The following CSMD3 variants were observed in gnomAD, a reference collection of about 807,000 sequenced individuals.
CSMD3 encodes CUB and Sushi multiple domains 3.
CSMD3 carries 177 observed loss-of-function variants against 435.2 expected under a neutral mutation model. That is an observed-to-expected ratio of 0.41 (90% CI 0.36 to 0.46). The LOEUF (loss-of-function observed/expected upper bound fraction) is 0.46. CSMD3 is among the 20% of genes least tolerant of loss of function. The pLI, the probability that CSMD3 is intolerant of heterozygous loss-of-function variation, is 0.34. For synonymous variants in CSMD3, 1,656 were observed against 1,520.5 expected (o/e 1.09, Z -2.07); for missense variants, 4,265 against 4,504.6 (o/e 0.95, Z 1.52).
At chr8:113,176,693 G>A in intron 3 of CSMD3, among the ~76,000 whole-genome samples, 1 of 151,916 alleles carries the variant, frequency 6.6e-6, no homozygotes, top group Non-Finnish European at 1.5e-5. Flanking sequence ...TCAATTATAA[G>A]TGGGAGCTGA....
chr8:112,702,750 T>G (rs368956227), intron 13 of CSMD3, among the ~76,000 whole-genome samples: 5 of 151,964 alleles, frequency 3.3e-5, no homozygotes, highest in African/African-American at 9.7e-5. Context: ...GTAGGGTATT[T>G]CCCCTCAGTT....
intron 13 of CSMD3, among the ~76,000 whole-genome samples, chr8:112,793,089 T>C (rs2078730787): frequency 6.7e-6 from 1 of 149,704 alleles, no homozygotes; most frequent in Non-Finnish European, 1.5e-5. Flanking sequence ...CAACTTACTG[T>C]GTGTATATAA....
At chr8:112,543,527 C>T (rs1826872882) in intron 27 of CSMD3, among the ~76,000 whole-genome samples, 2 of 151,786 alleles carry the variant, frequency 1.3e-5, no homozygotes, top group African/African-American at 4.8e-5. Flanking sequence ...ATAAAAATCT[C>T]AATAATATAT....
At chr8:113,003,667 A>G (rs1319984716) in intron 6 of CSMD3, among the ~76,000 whole-genome samples, 1 of 152,072 alleles carries the variant, frequency 6.6e-6, no homozygotes, top group African/African-American at 2.4e-5. Context: ...TTTTAGCGAG[A>G]TGCTTTTAGA....
At chr8:112,515,641 A>C (rs1709562454) in intron 28 of CSMD3, among the ~76,000 whole-genome samples, 1 of 152,084 alleles carries the variant, frequency 6.6e-6, no homozygotes, top group African/African-American at 2.4e-5. Context: ...AGATACAGCT[A>C]AATCTGAACT....
chr8:113,017,846 C>T lies in CSMD3; in HGVS notation c.1030+1221G>A, dbSNP rs369870046. ...GATTCAAGTTACCATGCCTAAACAG[C>T]TATTTTTAATAAAATATGTGAAAAT... On this transcript the variant is annotated intron_variant, in intron 6 of 70. Coordinates refer to ENST00000297405, the MANE Select transcript of CSMD3 (RefSeq NM_198123.2). 1.6e-4 allele frequency among the ~76,000 whole-genome samples: 25 copies of T among 152,028 alleles called. No homozygotes were observed. The South Asian group carries it at 5.0e-3, about 30-fold the overall frequency.
intron 12 of CSMD3, among the ~76,000 whole-genome samples, chr8:112,804,684 G>A (rs572313186): frequency 1.2e-3 from 168 of 145,916 alleles, no homozygotes; most frequent in Admixed American, 1.9e-3. Context: ...TATTTTTTTT[G>A]AGATGAAGTC....
chr8:112,817,444 CTG>C (rs1201235648), intron 12 of CSMD3, among the ~76,000 whole-genome samples: 1 of 48,610 alleles, frequency 2.1e-5, no homozygotes, highest in African/African-American at 1.1e-4. Context: ...GGGAAAGAAT[CTG>C]TGAAACAAAG....
At chr8:112,846,116 T>G (rs556095512) in intron 11 of CSMD3, among the ~76,000 whole-genome samples, 78 of 151,990 alleles carry the variant, frequency 5.1e-4, no homozygotes, top group Non-Finnish European at 1.5e-4. Flanking sequence ...GAAGCATATA[T>G]CTTATTTGAT....
At chr8:113,336,780 T>C in intron 1 of CSMD3, among the ~76,000 whole-genome samples, 1 of 152,030 alleles carries the variant, frequency 6.6e-6, no homozygotes, top group African/African-American at 2.4e-5. Context: ...ATGAAGTGGG[T>C]ATGAAAGTCC....
intron 9 of CSMD3, among the ~76,000 whole-genome samples, chr8:112,926,133 G>C (rs993755349): frequency 2.6e-5 from 4 of 152,088 alleles, no homozygotes; most frequent in Middle Eastern, 3.2e-3. Context: ...TAAAATCCAG[G>C]CTCAATCATC....
intron 3 of CSMD3, among the ~76,000 whole-genome samples, chr8:113,236,215 T>C (rs751407536): frequency 3.9e-5 from 6 of 152,212 alleles, no homozygotes; most frequent in African/African-American, 1.4e-4. Flanking sequence ...GGTCCGCCTT[T>C]GCATACTTGA....
intron 31 of CSMD3, among the ~76,000 whole-genome samples, chr8:112,487,258 C>T (rs866622224): frequency 1.3e-5 from 2 of 151,890 alleles, no homozygotes; most frequent in African/African-American, 2.4e-5. Flanking sequence ...CTGAGGAGCA[C>T]GGGGAGGGTA....
At chr8:113,093,359 G>A (rs574464862) in intron 5 of CSMD3, among the ~76,000 whole-genome samples, 1 of 152,088 alleles carries the variant, frequency 6.6e-6, no homozygotes, top group East Asian at 1.9e-4. Flanking sequence ...AAGTCTGAAA[G>A]GATATAGTCA....
chr8:113,388,058 G>A (rs916871940), intron 1 of CSMD3, among the ~76,000 whole-genome samples: 2 of 151,624 alleles, frequency 1.3e-5, no homozygotes, highest in African/African-American at 4.8e-5. Flanking sequence ...TTAAAGATAA[G>A]CCTGAATAGG....
At chr8:112,286,895 A>G (rs888178553) in intron 58 of CSMD3, among the ~76,000 whole-genome samples, 169 bp downstream of exon 58, 1 of 152,168 alleles carries the variant, frequency 6.6e-6, no homozygotes, top group Non-Finnish European at 1.5e-5. Flanking sequence ...ATTATCGGTT[A>G]TAGTTATCTT....
rs143742774 is a variant in CSMD3 at position 113,402,862 on chromosome 8, T to C, written c.178+33815A>G. On this transcript the variant is annotated intron_variant, in intron 1 of 70. Coordinates refer to ENST00000297405, the MANE Select transcript of CSMD3 (RefSeq NM_198123.2). ...GAAACAAAATAACAAGAGTATGCCG[T>C]AGTAAAATATTTCTCTTAAGTAGAT... Among the ~76,000 whole-genome samples the C allele has an allele frequency of 9.6e-4, 146 of 151,412 alleles. 1 individual carries two copies. The highest frequency in any genetic ancestry group is 3.3e-3 in the African/African-American group (139 of 41,516).
chr8:112,519,857 G>A (rs956131281), intron 27 of CSMD3, among the ~76,000 whole-genome samples: 1 of 150,848 alleles, frequency 6.6e-6, no homozygotes, highest in African/African-American at 2.5e-5. Context: ...TGAAATAAAA[G>A]TCATAAAGCC....
intron 1 of CSMD3, among the ~76,000 whole-genome samples, chr8:113,398,795 C>T (rs536858161): frequency 6.6e-6 from 1 of 151,998 alleles, no homozygotes; most frequent in South Asian, 2.1e-4. Flanking sequence ...GCCATGATTG[C>T]TTCAGCTGGG....
Sources: allele counts gnomAD v4.1 joint callset (sites outside exome capture counted in the v4.1 genomes callset), GRCh38; gene constraint gnomAD v4.1.1; transcripts MANE v1.5; gene names NCBI Gene and HGNC (gene_info 2026-07-23, HGNC 2026-07-21).